Variants in ZC3H3 observed in about 807,000 individuals in gnomAD.
ZC3H3 encodes zinc finger CCCH-type containing 3, also known as zinc finger CCCH domain-containing protein 3.
A neutral mutation model predicts 77.3 loss-of-function variants in ZC3H3; 36 were observed. That is an observed-to-expected ratio of 0.47 (90% CI 0.36 to 0.61). The LOEUF (loss-of-function observed/expected upper bound fraction) is 0.61. Ranked by LOEUF, ZC3H3 falls within the 20% of genes least tolerant of loss-of-function variation. ZC3H3 has a pLI of 0.00. For synonymous variants in ZC3H3, 626 were observed against 555.2 expected, an observed-to-expected ratio of 1.13 and a Z score of -1.79; for missense variants, 1,331 against 1,312.2, an observed-to-expected ratio of 1.01 and a Z score of -0.22.
chr8:143,519,130 G>C (rs915917268), intron 3 of ZC3H3, among the ~76,000 whole-genome samples: 9 of 152,354 alleles, frequency 5.9e-5, no homozygotes, highest in Middle Eastern at 6.8e-3. Context: ...GAGGGGAGGA[G>C]AGGGGTAGCA....
chr8:143,488,880 G>C (rs953896903), intron 4 of ZC3H3, among the ~76,000 whole-genome samples: 5 of 152,256 alleles, frequency 3.3e-5, no homozygotes, highest in African/African-American at 1.2e-4. Flanking sequence ...AGCGAATAGG[G>C]AACACAAACC....
intron 4 of ZC3H3, among the ~76,000 whole-genome samples, chr8:143,492,058 C>T (rs1261450665): frequency 1.3e-5 from 2 of 152,188 alleles, no homozygotes; most frequent in African/African-American, 2.4e-5. Context: ...AGAGGGCACA[C>T]TACAGAGAGC....
chr8:143,528,820 G>C (rs1214900118), intron 3 of ZC3H3, among the ~76,000 whole-genome samples: 5 of 152,228 alleles, frequency 3.3e-5, no homozygotes, highest in Non-Finnish European at 7.3e-5. Context: ...CTTCTGCCCA[G>C]GTCCAGTCCT....
At chr8:143,466,854 T>C (rs907595895) in intron 8 of ZC3H3, among the ~76,000 whole-genome samples, 2 of 152,124 alleles carry the variant, frequency 1.3e-5, no homozygotes, top group African/African-American at 4.8e-5. Flanking sequence ...CTTCCCAGCC[T>C]GCTCAGAGCT....
At chr8:143,459,510 G>A (rs551036712) in intron 9 of ZC3H3, among the ~76,000 whole-genome samples, 9 of 152,218 alleles carry the variant, frequency 5.9e-5, no homozygotes, top group South Asian at 2.1e-4. Flanking sequence ...GATCGTACCA[G>A]TGCACTCCAG....
rs1184207830 is a variant in ZC3H3 at position 143,465,935 on chromosome 8, C to T, written c.2176-87G>A. ...GGCTGGGGACCCTCCTACGGCCCCG[C>T]CCGAGAGAGAAATGGACACGCGGCA... On this transcript the variant is annotated intron_variant, in intron 8 of 11. Transcript: ENST00000262577. 6 of 1,492,904 alleles carry T rather than the reference C, an allele frequency of 4.0e-6. No homozygotes were observed. In the East Asian group the frequency reaches 1.5e-4, roughly 36 times the overall value. The allele number at this position is 1,492,904 out of a possible 1,614,324, so 92.5% of individuals were successfully genotyped here.
At chr8:143,457,895 A>T (rs13261258) in intron 9 of ZC3H3, among the ~76,000 whole-genome samples, 8,290 of 152,222 alleles carry the variant, frequency 0.054, 294 homozygotes, top group Non-Finnish European at 0.079. Flanking sequence ...AAATTATTCA[A>T]ATCAATAATC....
chr8:143,468,562 C>T (rs1229343425), intron 6 of ZC3H3, 22 bp from the exon 7 acceptor site: 5 of 1,602,694 alleles, frequency 3.1e-6, no homozygotes, highest in Non-Finnish European at 3.4e-6. Flanking sequence ...GAGAGAGGTG[C>T]GTGAGCCTGA....
At chr8:143,475,648 G>A in intron 4 of ZC3H3, 63 bp from the exon 5 acceptor site, 1 of 1,486,710 alleles carries the variant, frequency 6.7e-7, no homozygotes, top group Admixed American at 2.2e-5. Flanking sequence ...CTGATGGTCA[G>A]TGCCAGGGGC....
chr8:143,465,586 G>T, intron 9 of ZC3H3, 131 bp downstream of exon 9: 2 of 1,381,550 alleles, frequency 1.4e-6, no homozygotes, highest in Non-Finnish European at 2.0e-6. Flanking sequence ...CCTGTGAGGT[G>T]GACGTGATGG....
intron 3 of ZC3H3, among the ~76,000 whole-genome samples, chr8:143,534,488 C>T (rs550575221): frequency 3.1e-4 from 47 of 152,236 alleles, no homozygotes; most frequent in Non-Finnish European, 5.7e-4. Flanking sequence ...CTATGCCCCA[C>T]TCTACTAGAG....
In ZC3H3 at chr8:143,533,578, C is replaced by G. The variant is rs1201725696; in HGVS notation, c.1561+2679G>C. ...CAGGCTGCCAGGCACAGTGACTCAA[C>G]CACGCTTGCCAGTTGGGCCAGTGGT... On this transcript the variant is annotated intron_variant, in intron 3 of 11. Transcript: ENST00000262577. The surrounding 1 kb of genome is among the most constrained non-coding windows in gnomAD (Gnocchi z 4.0). Among the ~76,000 whole-genome samples, 1 of 152,142 alleles carries G rather than the reference C, an allele frequency of 6.6e-6. No homozygotes were observed. The highest frequency in any genetic ancestry group is 1.5e-5 in the Non-Finnish European group (1 of 68,012).
intron 4 of ZC3H3, among the ~76,000 whole-genome samples, chr8:143,491,182 C>T (rs1821192136): frequency 6.6e-6 from 1 of 152,202 alleles, no homozygotes; most frequent in African/African-American, 2.4e-5. Flanking sequence ...TCCGCCCTCC[C>T]CGGCCTGAGG....
intron 2 of ZC3H3, 106 bp from the exon 3 acceptor site, chr8:143,536,559 G>A: frequency 2.4e-6 from 3 of 1,226,908 alleles, no homozygotes. Context: ...CTGAAGGCCA[G>A]GACCAGGCCA....
intron 4 of ZC3H3, among the ~76,000 whole-genome samples, chr8:143,476,257 C>T (rs547960962): frequency 3.2e-4 from 49 of 152,342 alleles, no homozygotes; most frequent in Admixed American, 2.6e-3. Flanking sequence ...ACTGAGAGGG[C>T]ATGGGGACAG....
chr8:143,438,039 G>C lies in ZC3H3; in HGVS notation c.*17C>G, dbSNP rs766025299. The C allele has an allele frequency of 1.3e-5, 21 of 1,609,278 alleles. No homozygotes were observed. The highest frequency in any genetic ancestry group is 1.6e-4 in the Middle Eastern group (1 of 6,078). On this transcript the variant is annotated 3_prime_UTR_variant, in exon 12 of 12. Transcript: ENST00000262577. Reference sequence around the variant, plus strand: ...GGATGAGGGTCTGAGGTAGGTGCAGGCCGGTCCCTGGGGTCCTCACAGACG... The same window carrying C: ...GGATGAGGGTCTGAGGTAGGTGCAGCCCGGTCCCTGGGGTCCTCACAGACG...
chr8:143,490,566 A>C (rs1821173464), intron 4 of ZC3H3, among the ~76,000 whole-genome samples: 2 of 152,228 alleles, frequency 1.3e-5, no homozygotes, highest in Non-Finnish European at 2.9e-5. Context: ...TTGAGAGGTT[A>C]ATCATGTTTT....
chr8:143,519,726 T>A (rs7842979), intron 3 of ZC3H3, among the ~76,000 whole-genome samples: 1 of 152,060 alleles, frequency 6.6e-6, no homozygotes, highest in African/African-American at 2.4e-5. Flanking sequence ...AGGCCCCACG[T>A]TCAGGCCACC....
intron 5 of ZC3H3, among the ~76,000 whole-genome samples, chr8:143,469,198 C>T (rs1439328377): frequency 1.3e-5 from 2 of 152,250 alleles, no homozygotes; most frequent in African/African-American, 2.4e-5. Flanking sequence ...CAGCTGCTAA[C>T]AGCAGCACCT....
Sources: gnomAD v4.1 joint callset for allele counts (sites outside exome capture counted in the v4.1 genomes callset) on GRCh38, gnomAD v4.1.1 for gene constraint, Gnocchi (gnomAD v3.1) non-coding constraint, MANE v1.5 for transcripts, NCBI Gene and HGNC (gene_info 2026-07-23, HGNC 2026-07-21) for gene names.